The following NEURL1 variants were observed in gnomAD, a reference collection of about 807,000 sequenced individuals.
The protein encoded by NEURL1 is E3 ubiquitin-protein ligase NEURL1.
In NEURL1, 26 loss-of-function variants were observed where a neutral mutation model predicts 41.2. The observed-to-expected ratio is 0.63, with a 90% confidence interval of 0.46 to 0.87. NEURL1 has a LOEUF of 0.87. Among genes scored for constraint, NEURL1 ranks in the 40% least tolerant of loss-of-function variants. NEURL1 has a pLI of 0.00. For synonymous variants in NEURL1, 400 were observed against 402.3 expected (o/e 0.99, Z 0.07); for missense variants, 761 against 871.1 (o/e 0.87, Z 1.59).
At chr10:103,536,417 A>C (rs371014042) in intron 1 of NEURL1, among the ~76,000 whole-genome samples, 1 of 151,966 alleles carries the variant, frequency 6.6e-6, no homozygotes, top group African/African-American at 2.4e-5. Context: ...GGGGGTGGGC[A>C]CCTGTAGTTC....
intron 1 of NEURL1, chr10:103,549,253 CT>C: frequency 6.6e-6 from 1 of 152,640 alleles, no homozygotes; most frequent in Non-Finnish European, 1.5e-5. Flanking sequence ...CTCAGATTCC[CT>C]TTCAGTCTCC....
intron 1 of NEURL1, among the ~76,000 whole-genome samples, chr10:103,568,154 G>T (rs932775281): frequency 1.3e-5 from 2 of 152,148 alleles, no homozygotes; most frequent in Non-Finnish European, 2.9e-5. Context: ...GGTGCCCCTG[G>T]ACCAGAGTCC....
intron 3 of NEURL1, 139 bp downstream of exon 3, chr10:103,571,961 G>A (rs2035560905): frequency 1.2e-6 from 1 of 843,752 alleles, no homozygotes; most frequent in South Asian, 1.8e-5. Context: ...GCAGCCCTGG[G>A]AACCTTGGCA....
At chr10:103,529,550 G>A (rs1196388971) in intron 1 of NEURL1, among the ~76,000 whole-genome samples, 1 of 152,182 alleles carries the variant, frequency 6.6e-6, no homozygotes, top group Non-Finnish European at 1.5e-5. Flanking sequence ...TCCAGTCAAA[G>A]CCTTGGTAAA....
rs1402452696 is a variant in NEURL1, at chr10:103,545,661, C to T, written c.86-25211C>T. Among the ~76,000 whole-genome samples, 1 of 152,208 alleles carries T rather than the reference C, an allele frequency of 6.6e-6. No homozygotes were observed. The highest frequency in any genetic ancestry group is 2.4e-5 in the African/African-American group (1 of 41,434). On this transcript the variant is annotated intron_variant, in intron 1 of 5. Coordinates refer to ENST00000369780, the MANE Select transcript of NEURL1 (RefSeq NM_004210.5). This position sits in a 1 kb window ranked among gnomAD's most constrained non-coding sequence, Gnocchi z 4.5. ...TGCAGTGGCTGGACTCAAGTCATCT[C>T]TCACCTTTGCTGTATGAGAACAGCA...
At chr10:103,571,911 C>A in intron 3 of NEURL1, 89 bp downstream of exon 3, 1 of 1,281,596 alleles carries the variant, frequency 7.8e-7, no homozygotes, top group Non-Finnish European at 1.1e-6. Context: ...TCCCATCAGG[C>A]GTAGGGACCC....
intron 1 of NEURL1, among the ~76,000 whole-genome samples, chr10:103,529,543 A>G (rs1245093174): frequency 6.6e-6 from 1 of 152,224 alleles, no homozygotes; most frequent in Non-Finnish European, 1.5e-5. Context: ...ATGCCATTCC[A>G]GTCAAAGCCT....
intron 1 of NEURL1, among the ~76,000 whole-genome samples, chr10:103,510,123 C>A (rs1368893405): frequency 1.3e-5 from 2 of 152,120 alleles, no homozygotes; most frequent in Non-Finnish European, 2.9e-5. Context: ...GGTAGAGCAA[C>A]CTCTGAGCTG....
At chr10:103,574,328 A>G (rs560991628) in intron 3 of NEURL1, among the ~76,000 whole-genome samples, 1 of 152,214 alleles carries the variant, frequency 6.6e-6, no homozygotes, top group South Asian at 2.1e-4. Context: ...ATCTGCCGAG[A>G]TGGTTTCTAT....
intron 1 of NEURL1, among the ~76,000 whole-genome samples, chr10:103,523,391 G>A (rs778224795): frequency 7.9e-5 from 12 of 151,922 alleles, no homozygotes; most frequent in South Asian, 4.2e-4. Context: ...AAGAGTTTAA[G>A]GCTGCAGTGA....
intron 1 of NEURL1, among the ~76,000 whole-genome samples, chr10:103,567,284 T>C (rs2133875687): frequency 1.3e-5 from 2 of 152,182 alleles, no homozygotes; most frequent in East Asian, 3.9e-4. Flanking sequence ...GTGCCCAGCC[T>C]GAAGGAACCT....
At chr10:103,547,408 C>T (rs1406455668) in intron 1 of NEURL1, among the ~76,000 whole-genome samples, 1 of 152,216 alleles carries the variant, frequency 6.6e-6, no homozygotes. Context: ...GTATCTGAGC[C>T]CAAAGGTTGG....
intron 1 of NEURL1, among the ~76,000 whole-genome samples, chr10:103,518,723 T>C (rs971729952): frequency 6.6e-6 from 1 of 152,196 alleles, no homozygotes; most frequent in African/African-American, 2.4e-5. Flanking sequence ...TGTGGTTCCA[T>C]ACCTTGATAT....
rs569926830 is a variant in NEURL1, at chr10:103,545,138, G to T, written c.86-25734G>T. Among the ~76,000 whole-genome samples the T allele has an allele frequency of 2.0e-5, 3 of 152,336 alleles. No homozygotes were observed. The highest frequency in any genetic ancestry group is 4.1e-4 in the South Asian group (2 of 4,832). ...GATGAATGTGCAAATTGTGAGATGG[G>T]GCAGCTGCAGGGAACAGCTAGGAGC... On this transcript the variant is annotated intron_variant, in intron 1 of 5. Transcript: ENST00000369780. This position sits in a 1 kb window ranked among gnomAD's most constrained non-coding sequence, Gnocchi z 4.5.
At chr10:103,588,903 G>A (rs1453964188) in intron 4 of NEURL1, 1 of 437,862 alleles carries the variant, frequency 2.3e-6, no homozygotes, top group Non-Finnish European at 4.5e-6. Context: ...CCGAGGTCGT[G>A]CCACTGCACT....
chr10:103,584,887 T>C lies in NEURL1; in HGVS notation c.1001T>C (p.Val334Ala), dbSNP rs1192165447. ...ALVFTSRPVR[V>A]AETIFVKVTR... Reference sequence around the variant, plus strand: ...GTCTTCACCAGCCGGCCCGTGCGCGTGGCCGAGACCATCTTCGTCAAGGTC... The same window carrying C: ...GTCTTCACCAGCCGGCCCGTGCGCGCGGCCGAGACCATCTTCGTCAAGGTC... Residue 334 changes from valine to alanine, a missense_variant, in exon 4 of 6, where the codon GTG becomes GCG. Around this residue, in one of 5 missense-constraint regions of NEURL1, gnomAD observed 443 missense variants for 408.1 expected, o/e 1.09. Transcript: ENST00000369780. The C allele has an allele frequency of 1.5e-6, 2 of 1,319,404 alleles. No individual in the cohort carries two copies. The highest frequency in any genetic ancestry group is 1.4e-5 in the South Asian group (1 of 69,578). The allele number at this position is 1,319,404 out of a possible 1,614,324, so 81.7% of individuals were successfully genotyped here.
At chr10:103,534,315 C>G (rs911026618) in intron 1 of NEURL1, among the ~76,000 whole-genome samples, 2 of 150,588 alleles carry the variant, frequency 1.3e-5, no homozygotes, top group African/African-American at 4.9e-5. Context: ...GTCATATTTT[C>G]TTGACTTTTG....
chr10:103,564,441 C>T (rs989550358), intron 1 of NEURL1, among the ~76,000 whole-genome samples: 1 of 152,164 alleles, frequency 6.6e-6, no homozygotes, highest in African/African-American at 2.4e-5. Flanking sequence ...ACACGCCCCC[C>T]CCATTTTGAG....
chr10:103,587,956 G>A (rs938061841), intron 4 of NEURL1, among the ~76,000 whole-genome samples: 2 of 152,102 alleles, frequency 1.3e-5, no homozygotes, highest in African/African-American at 4.8e-5. Flanking sequence ...GTGTGTGCAG[G>A]GCATTATGTT....
Sources: allele counts gnomAD v4.1 joint callset (sites outside exome capture counted in the v4.1 genomes callset), GRCh38; gene constraint gnomAD v4.1.1; regional missense constraint gnomAD v4.1.1; non-coding constraint Gnocchi (gnomAD v3.1); transcripts MANE v1.5; gene names NCBI Gene and HGNC (gene_info 2026-07-23, HGNC 2026-07-21).